The following CDK13 variants were observed in gnomAD, a reference collection of about 807,000 sequenced individuals.
CDK13 encodes cyclin dependent kinase 13, also known as cyclin-dependent kinase 13.
A neutral mutation model predicts 137.6 loss-of-function variants in CDK13; 40 were observed. The observed-to-expected ratio is 0.29, with a 90% CI of 0.23 to 0.38. CDK13 has a LOEUF of 0.38. Among genes scored for constraint, CDK13 ranks in the 10% least tolerant of loss-of-function variants. The pLI, the probability that CDK13 is intolerant of heterozygous loss-of-function variation, is 1.00. For synonymous variants in CDK13, 869 were observed against 760.1 expected, an observed-to-expected ratio of 1.14 and a Z score of -2.36; for missense variants, 1,704 against 1,951.8, an observed-to-expected ratio of 0.87 and a Z score of 2.39.
Position 39,994,953 on chromosome 7 carries a change from TA to T in CDK13, c.1872-2538del, listed in dbSNP as rs1339744707. Among the ~76,000 whole-genome samples the T allele has an allele frequency of 1.1e-4, 17 of 152,114 alleles. No homozygotes were observed. In the East Asian group the frequency reaches 3.3e-3, roughly 29 times the overall value. ...CCTTGAATTTTTTTTGGAACTCTATTAAATCTAATACAGTCATAATTTGGAG... is the reference window on the plus strand; with the variant it reads ...CCTTGAATTTTTTTTGGAACTCTATTAATCTAATACAGTCATAATTTGGAG... On this transcript the variant is annotated intron_variant, in intron 2 of 13. Coordinates refer to ENST00000181839, the MANE Select transcript of CDK13 (RefSeq NM_003718.5).
chr7:40,021,075 G>A (rs974754046), intron 5 of CDK13, among the ~76,000 whole-genome samples: 3 of 131,842 alleles, frequency 2.3e-5, no homozygotes, highest in African/African-American at 8.0e-5. Context: ...TGGTGACAGA[G>A]CGAGATTCCA....
chr7:40,046,508 G>A (rs773087478), intron 6 of CDK13, among the ~76,000 whole-genome samples: 3 of 151,740 alleles, frequency 2.0e-5, no homozygotes, highest in Non-Finnish European at 1.5e-5. Context: ...TTAGCCTAGC[G>A]TGGTGGAGCA....
chr7:40,008,185 G>T (rs1784830993), intron 5 of CDK13, among the ~76,000 whole-genome samples: 1 of 152,070 alleles, frequency 6.6e-6, no homozygotes, highest in African/African-American at 2.4e-5. Context: ...ATAGATCTGG[G>T]CTGGCCAGTG....
chr7:40,038,595 A>G (rs886593377), intron 5 of CDK13, among the ~76,000 whole-genome samples: 1 of 152,200 alleles, frequency 6.6e-6, no homozygotes. Context: ...CTACCAATGT[A>G]TGAAAGTGTT....
intron 5 of CDK13, among the ~76,000 whole-genome samples, chr7:40,018,557 C>A (rs1386922237): frequency 6.6e-6 from 1 of 152,040 alleles, no homozygotes; most frequent in Non-Finnish European, 1.5e-5. Context: ...TTTGTATACA[C>A]CATGGAATAC....
Position 39,950,851 on chromosome 7 carries a change from A to AGCCGCCGCC in CDK13, c.216_224dup (p.Ala74_Ala76dup). On this transcript the variant is annotated inframe_insertion, in exon 1 of 14. Coordinates refer to ENST00000181839, the MANE Select transcript of CDK13 (RefSeq NM_003718.5). ...CTGCTCCCGGCACGGCCGCCGCCGC[A>AGCCGCCGCC]GCCGCCGCCGCCGCGGCCTCCTCCT... 1 of 1,370,670 alleles carries AGCCGCCGCC rather than the reference A, an allele frequency of 7.3e-7. No individual in the cohort carries two copies. Among genetic ancestry groups the AGCCGCCGCC allele is most frequent in the Non-Finnish European group, 9.3e-7 (1 of 1,072,718 alleles). 84.9% of individuals were successfully genotyped at this position (1,370,670 alleles called of 1,614,324 possible).
intron 12 of CDK13, among the ~76,000 whole-genome samples, chr7:40,090,813 A>G (rs371724835): frequency 6.6e-6 from 1 of 152,224 alleles, no homozygotes; most frequent in African/African-American, 2.4e-5. Context: ...TCGAGACTGC[A>G]GTGAGCTGAG....
In CDK13 at chr7:40,099,454, C is replaced by G. The variant is rs1381623360; in HGVS notation, c.*4474C>G. On this transcript the variant is annotated 3_prime_UTR_variant, in exon 14 of 14. Transcript: ENST00000181839. ...TGTTTAAAAGTGTTGTACTCTCTTGCAAGAACGTTTAAAAGTTAAGTCTTG... is the reference window on the plus strand; with the variant it reads ...TGTTTAAAAGTGTTGTACTCTCTTGGAAGAACGTTTAAAAGTTAAGTCTTG... 3 of 152,154 alleles carry G rather than the reference C, an allele frequency of 2.0e-5. No homozygotes were observed. The highest frequency in any genetic ancestry group is 7.2e-5 in the African/African-American group (3 of 41,438). 9.4% of individuals were successfully genotyped at this position (152,154 alleles called of 1,614,324 possible).
At chr7:40,062,306 G>C (rs1457811973) in intron 7 of CDK13, 1 of 151,062 alleles carries the variant, frequency 6.6e-6, no homozygotes, top group Non-Finnish European at 1.5e-5. Flanking sequence ...TTTTTTTTGA[G>C]ACGGAGTCTT....
At position 40,078,834 on chromosome 7, in the gene CDK13, A is replaced by G; in HGVS notation, c.3012A>G (p.Ser1004=). 1 of 1,458,718 alleles carries G rather than the reference A, an allele frequency of 6.9e-7. No individual in the cohort carries two copies. The highest frequency in any genetic ancestry group is 9.1e-7 in the Non-Finnish European group (1 of 1,094,782). The allele number at this position is 1,458,718 out of a possible 1,614,324, so 90.4% of individuals were successfully genotyped here. A position where few individuals can be genotyped will look rare whatever the true frequency, so the allele number is the denominator to read the frequency against. The part of the protein sequence containing the change: ...QCEFLRDVEP[S]KMPPPDLPLW... ...AGTTCCTCCGAGATGTGGAACCCTCAAAAATGCCTCCACCAGAGTAAGTGA... is the reference window on the plus strand; with the variant it reads ...AGTTCCTCCGAGATGTGGAACCCTCGAAAATGCCTCCACCAGAGTAAGTGA... Residue 1004 remains serine (S), a synonymous_variant, in exon 11 of 14, where the codon TCA becomes TCG. Transcript: ENST00000181839.
intron 6 of CDK13, among the ~76,000 whole-genome samples, chr7:40,047,567 A>T (rs1785776271): frequency 6.6e-6 from 1 of 151,936 alleles, no homozygotes; most frequent in Non-Finnish European, 1.5e-5. Flanking sequence ...TTCTAATATT[A>T]TAATACAGTA....
chr7:40,004,842 ATAAC>A (rs1365815244), intron 5 of CDK13, among the ~76,000 whole-genome samples: 7 of 152,350 alleles, frequency 4.6e-5, no homozygotes, highest in South Asian at 4.1e-4. Flanking sequence ...TTGCACTGTT[ATAAC>A]TAACTAAGCT....
At chr7:39,966,996 G>C (rs185845371) in intron 1 of CDK13, among the ~76,000 whole-genome samples, 3 of 152,224 alleles carry the variant, frequency 2.0e-5, no homozygotes, top group Non-Finnish European at 4.4e-5. Flanking sequence ...GGAGTACCTG[G>C]CCGTGTGAGG....
rs1786926504 is a variant in CDK13, at chr7:40,091,636, C to T, written c.3236-1149C>T. Among the ~76,000 whole-genome samples the T allele has an allele frequency of 3.3e-5, 5 of 152,092 alleles. No homozygotes were observed. In the South Asian group the frequency reaches 1.0e-3, roughly 32 times the overall value. ...AACGCCCCTTCAGCAAAAGAGGCAC[C>T]TCAATTAAAGACCACATCCCTGAAT... On this transcript the variant is annotated intron_variant, in intron 12 of 13. Coordinates refer to ENST00000181839, the MANE Select transcript of CDK13 (RefSeq NM_003718.5).
At position 40,055,572 on chromosome 7, in the gene CDK13, ATT is replaced by A. The variant is rs1202058166; in HGVS notation, c.2601-7235_2601-7234del. Among the ~76,000 whole-genome samples, 642 of 128,600 alleles carry A rather than the reference ATT, an allele frequency of 5.0e-3. 4 individuals carry two copies. The highest frequency in any genetic ancestry group is 0.017 in the African/African-American group (592 of 34,946). The allele number at this position is 128,600 out of a possible 152,430, so 84.4% of individuals were successfully genotyped here. ...TGAAATTCATTTTTGAGGATTCTGG[ATT>A]TTTTTTTTTTTTTTTTTTGAGACAG... On this transcript the variant is annotated intron_variant, in intron 7 of 13. Transcript: ENST00000181839.
chr7:39,970,035 G>A (rs928128227), intron 1 of CDK13, among the ~76,000 whole-genome samples: 1 of 58,740 alleles, frequency 1.7e-5, no homozygotes, highest in Non-Finnish European at 3.3e-5. Flanking sequence ...TTTTTTTTTT[G>A]AGACAGCGTG....
At chr7:40,038,653 G>A (rs1785537574) in intron 5 of CDK13, among the ~76,000 whole-genome samples, 1 of 151,906 alleles carries the variant, frequency 6.6e-6, no homozygotes, top group Non-Finnish European at 1.5e-5. Flanking sequence ...TTAGATTTTT[G>A]TCAATTTAGT....
In CDK13 at chr7:39,992,161, A is replaced by G. The variant is rs530160604; in HGVS notation, c.1871+3903A>G. On this transcript the variant is annotated intron_variant, in intron 2 of 13. Transcript: ENST00000181839. The stretch of plus-strand genomic sequence containing the variant: ...CTCTAGTTGTTTAAGAGAACTAATG[A>G]GGGTGTGTGTGTGTGTGTGTGTGTG... Among the ~76,000 whole-genome samples the G allele has an allele frequency of 8.0e-3, 410 of 51,242 alleles. 5 individuals are homozygous for G. The highest frequency in any genetic ancestry group is 0.03 in the South Asian group (38 of 1,250). The allele number at this position is 51,242 out of a possible 152,430, so 33.6% of individuals were successfully genotyped here. A position where few individuals can be genotyped will look rare whatever the true frequency, so the allele number is the denominator to read the frequency against.
intron 9 of CDK13, among the ~76,000 whole-genome samples, chr7:40,076,233 A>T (rs1473267876): frequency 6.6e-6 from 1 of 152,230 alleles, no homozygotes; most frequent in East Asian, 1.9e-4. Flanking sequence ...ATACAAAAAC[A>T]AGAAATAGAA....
Sources: allele counts gnomAD v4.1 joint callset (sites outside exome capture counted in the v4.1 genomes callset), GRCh38; gene constraint gnomAD v4.1.1; transcripts MANE v1.5; gene names NCBI Gene and HGNC (gene_info 2026-07-23, HGNC 2026-07-21).